NUDT7: variants seen among roughly 807,000 people sequenced by gnomAD.
NUDT7 encodes the protein nudix hydrolase 7.
NUDT7 carries 19 observed loss-of-function variants against 13.1 expected under a neutral mutation model. The observed-to-expected ratio is 1.45, with a 90% CI of 1.01 to 2.13. The LOEUF is 2.13. NUDT7 is among the 30% of genes most tolerant of loss of function. The pLI is 0.00. For missense variants in NUDT7, 360 were observed against 291.7 expected (o/e 1.23, Z -1.71); for synonymous variants, 132 against 109.7 (o/e 1.20, Z -1.27).
At chr16:77,730,230 C>T (rs560050160) in intron 2 of NUDT7, among the ~76,000 whole-genome samples, 5 of 152,222 alleles carry the variant, frequency 3.3e-5, no homozygotes, top group African/African-American at 9.6e-5. Context: ...GAATTTATTC[C>T]TCCTGACTGG....
chr16:77,735,699 G>T (rs2014458028), intron 2 of NUDT7, 129 bp from the exon 3 acceptor site: 2 of 836,872 alleles, frequency 2.4e-6, no homozygotes, highest in East Asian at 2.4e-5. Flanking sequence ...GGCAATAGGG[G>T]TCTTGATACC....
intron 1 of NUDT7, among the ~76,000 whole-genome samples, chr16:77,723,463 A>G (rs1484451313): frequency 6.6e-6 from 1 of 152,164 alleles, no homozygotes; most frequent in African/African-American, 2.4e-5. Context: ...GATTTATGAC[A>G]GTGGTTACCA....
chr16:77,736,074 C>A (rs1404651610), intron 3 of NUDT7, 88 bp downstream of exon 3: 111 of 1,220,230 alleles, frequency 9.1e-5, no homozygotes, highest in Non-Finnish European at 1.2e-4. Flanking sequence ...CCAAACATAA[C>A]CCCAAAGAGT....
intron 2 of NUDT7, among the ~76,000 whole-genome samples, chr16:77,730,690 G>A (rs2014291554): frequency 1.3e-5 from 2 of 152,142 alleles, no homozygotes; most frequent in Middle Eastern, 3.4e-3. Flanking sequence ...CCTCCATTCT[G>A]TTTTCCACAA....
intron 1 of NUDT7, among the ~76,000 whole-genome samples, chr16:77,723,218 T>C (rs1247866445): frequency 6.6e-6 from 1 of 152,326 alleles, no homozygotes; most frequent in African/African-American, 2.4e-5. Flanking sequence ...AGTTCTGTGG[T>C]TTCCGGGTGG....
chr16:77,739,552 G>A lies in NUDT7; in HGVS notation c.349-2030G>A, dbSNP rs577001778. 1.8e-4 allele frequency among the ~76,000 whole-genome samples: 28 copies of A among 152,234 alleles called. No homozygotes were observed. In the South Asian group the frequency reaches 5.6e-3, roughly 30 times the overall value. On this transcript the variant is annotated intron_variant, in intron 3 of 3. Coordinates refer to ENST00000268533, the MANE Select transcript of NUDT7 (RefSeq NM_001105663.3). ...CTTTCATTGCCATCTTGGTTTTGGT[G>A]CGTTTTGATGGCCTTCTTTACTGTA...
At chr16:77,723,600 T>TTTTG (rs2014034666) in intron 1 of NUDT7, among the ~76,000 whole-genome samples, 1 of 150,004 alleles carries the variant, frequency 6.7e-6, no homozygotes, top group South Asian at 2.1e-4. Flanking sequence ...CACTTTTTTT[T>TTTTG]TTTTTTTTTT....
chr16:77,727,021 T>A (rs2014159501), intron 2 of NUDT7, among the ~76,000 whole-genome samples: 1 of 152,016 alleles, frequency 6.6e-6, no homozygotes, highest in South Asian at 2.1e-4. Flanking sequence ...CCGGATCTCA[T>A]GAGAACTCAC....
At chr16:77,729,410 C>T (rs1353762904) in intron 2 of NUDT7, among the ~76,000 whole-genome samples, 1 of 152,122 alleles carries the variant, frequency 6.6e-6, no homozygotes, top group African/African-American at 2.4e-5. Flanking sequence ...CATATCACCA[C>T]ACACAATACC....
At chr16:77,729,818 C>G (rs868704348) in intron 2 of NUDT7, among the ~76,000 whole-genome samples, 1 of 151,140 alleles carries the variant, frequency 6.6e-6, no homozygotes, top group African/African-American at 2.4e-5. Flanking sequence ...GAGCGAGACT[C>G]TATCTCAATA....
intron 3 of NUDT7, chr16:77,737,404 A>T (rs1350946303): frequency 1.3e-5 from 2 of 151,990 alleles, no homozygotes; most frequent in African/African-American, 4.8e-5. Context: ...CTGGGGTCAT[A>T]ATTTGGGAAC....
chr16:77,724,487 G>T (rs1219071892), intron 1 of NUDT7, among the ~76,000 whole-genome samples: 1 of 151,110 alleles, frequency 6.6e-6, no homozygotes, highest in African/African-American at 2.4e-5. Flanking sequence ...TGACCAGGCT[G>T]GTTTCAAACT....
chr16:77,731,962 G>A (rs1192651188), intron 2 of NUDT7, among the ~76,000 whole-genome samples: 1 of 152,044 alleles, frequency 6.6e-6, no homozygotes, highest in Non-Finnish European at 1.5e-5. Context: ...TTACAAAAGA[G>A]TCAAAAAATT....
At position 77,725,417 on chromosome 16, in the gene NUDT7, T is replaced by G. The variant is rs756994267; in HGVS notation, c.36-14T>G. 1.9e-5 allele frequency: 31 copies of G among 1,603,776 alleles called. No homozygotes were observed. Among genetic ancestry groups the G allele is most frequent in the Non-Finnish European group, 2.6e-5 (30 of 1,173,848 alleles). On this transcript the variant is annotated splice_polypyrimidine_tract_variant and intron_variant, in intron 1 of 3. Coordinates refer to ENST00000268533, the MANE Select transcript of NUDT7 (RefSeq NM_001105663.3). The stretch of plus-strand genomic sequence containing the variant: ...TGCTTGCTAAAATGTCTGTCTGGTT[T>G]GTTTTTATTTTAGAAACAGTTTGCT...
At chr16:77,722,695 T>A (rs1379093409) in intron 1 of NUDT7, 78 bp downstream of exon 1, 22 of 1,421,430 alleles carry the variant, frequency 1.5e-5, no homozygotes, top group Non-Finnish European at 2.1e-5. Context: ...CCGGGGCCTT[T>A]TGGCCGGGAC....
intron 1 of NUDT7, among the ~76,000 whole-genome samples, chr16:77,724,001 G>T (rs1211550785): frequency 1.3e-5 from 2 of 152,146 alleles, no homozygotes; most frequent in East Asian, 3.9e-4. Context: ...CTTTTCTAGG[G>T]CTGCCATAAC....
Position 77,725,423 on chromosome 16 carries a change from T to C in NUDT7, c.36-8T>C, listed in dbSNP as rs749960100. ...CTAAAATGTCTGTCTGGTTTGTTTT[T>C]ATTTTAGAAACAGTTTGCTAGATGA... is the stretch of plus-strand genomic sequence containing the variant. On this transcript the variant is annotated splice_region_variant and splice_polypyrimidine_tract_variant and intron_variant, in intron 1 of 3. Transcript: ENST00000268533. 1 of 1,606,364 alleles carries C rather than the reference T, an allele frequency of 6.2e-7. No individual in the cohort carries two copies. Among genetic ancestry groups the C allele is most frequent in the South Asian group, 1.1e-5 (1 of 89,720 alleles).
chr16:77,736,638 T>A lies in NUDT7; in HGVS notation c.348+652T>A, dbSNP rs748431347. ...CCACATCTTATTTTCTTTTTTATTT[T>A]TTTTTTTATAGAGATGGGGGTCTCG... On this transcript the variant is annotated intron_variant, in intron 3 of 3. Transcript: ENST00000268533. 2.3e-4 allele frequency: 57 copies of A among 242,904 alleles called. 1 individual carries two copies. Among genetic ancestry groups the A allele is most frequent in the Middle Eastern group, 1.5e-3 (1 of 654 alleles). The allele number at this position is 242,904 out of a possible 1,614,324, so 15.0% of individuals were successfully genotyped here. A position where few individuals can be genotyped will look rare whatever the true frequency, so the allele number is the denominator to read the frequency against.
chr16:77,727,532 A>C (rs1242985462), intron 2 of NUDT7, among the ~76,000 whole-genome samples: 1 of 152,230 alleles, frequency 6.6e-6, no homozygotes, highest in South Asian at 2.1e-4. Context: ...CAATAAGCAC[A>C]GGAGAAGCAC....
Sources: allele counts gnomAD v4.1 joint callset (sites outside exome capture counted in the v4.1 genomes callset), GRCh38; gene constraint gnomAD v4.1.1; transcripts MANE v1.5; gene names NCBI Gene and HGNC (gene_info 2026-07-23, HGNC 2026-07-21).